Variants in SLIT3 observed in about 807,000 individuals in gnomAD.
SLIT3 encodes the protein slit homolog 3 protein.
SLIT3 carries 68 observed loss-of-function variants against 184.0 expected under a neutral mutation model. The ratio of observed to expected loss-of-function variants is 0.37; its 90% confidence interval spans 0.30 to 0.45. SLIT3 has a LOEUF of 0.45. SLIT3 is among the 20% of genes least tolerant of loss of function. SLIT3 has a pLI of 1.00. For synonymous variants in SLIT3, 831 were observed against 828.6 expected (o/e 1.00, Z -0.05); for missense variants, 1,707 against 2,026.0 (o/e 0.84, Z 3.02).
At chr5:169,204,091 C>A (rs77036400) in intron 3 of SLIT3, among the ~76,000 whole-genome samples, 1 of 151,724 alleles carries the variant, frequency 6.6e-6, no homozygotes, top group East Asian at 1.9e-4. Flanking sequence ...CTGGGCTACA[C>A]GAGCCAGAGA....
chr5:169,007,326 C>T (rs2113444151), intron 4 of SLIT3, among the ~76,000 whole-genome samples: 1 of 152,246 alleles, frequency 6.6e-6, no homozygotes, highest in South Asian at 2.1e-4. Flanking sequence ...TGTATACTGC[C>T]AAGTCTCAGT....
intron 4 of SLIT3, among the ~76,000 whole-genome samples, chr5:169,180,939 G>T (rs1763132430): frequency 2.6e-5 from 4 of 152,194 alleles, no homozygotes; most frequent in African/African-American, 9.6e-5. Context: ...GAAGGTCTCA[G>T]TTGGAAGCCT....
intron 20 of SLIT3, among the ~76,000 whole-genome samples, chr5:168,741,601 T>C (rs540887187): frequency 6.3e-4 from 95 of 151,786 alleles, no homozygotes; most frequent in African/African-American, 1.9e-3. Flanking sequence ...CAATTGCTGC[T>C]CTCAGGGAGC....
At chr5:169,082,159 G>C (rs1385132569) in intron 4 of SLIT3, among the ~76,000 whole-genome samples, 2 of 152,176 alleles carry the variant, frequency 1.3e-5, no homozygotes, top group African/African-American at 4.8e-5. Flanking sequence ...CCGTAGACAT[G>C]CCAGCAATAC....
At chr5:169,256,293 C>A (rs1704347418) in intron 1 of SLIT3, among the ~76,000 whole-genome samples, 1 of 152,144 alleles carries the variant, frequency 6.6e-6, no homozygotes, top group African/African-American at 2.4e-5. Context: ...CTTAAAAGAA[C>A]AACAACAAAA....
rs753041578 is a variant in SLIT3, at chr5:169,182,097, G to T, written c.413+11382C>A. Among the ~76,000 whole-genome samples the T allele has an allele frequency of 3.9e-5, 6 of 152,120 alleles. No individual in the cohort carries two copies. The East Asian group carries it at 7.7e-4, about 20-fold the overall frequency. The stretch of plus-strand genomic sequence containing the variant: ...AACCGTGGGGAGAGTTTTTGGCTAC[G>T]CAACAGGCAGTGCTAATCAAGGGGC... On this transcript the variant is annotated intron_variant, in intron 4 of 35. Transcript: ENST00000519560.
At chr5:169,228,934 C>G (rs1764899094) in intron 3 of SLIT3, among the ~76,000 whole-genome samples, 1 of 152,222 alleles carries the variant, frequency 6.6e-6, no homozygotes, top group Non-Finnish European at 1.5e-5. Context: ...GCAAAACACT[C>G]TAATAACTTA....
At chr5:168,965,227 T>G (rs1388638486) in intron 4 of SLIT3, among the ~76,000 whole-genome samples, 1 of 152,236 alleles carries the variant, frequency 6.6e-6, no homozygotes, top group African/African-American at 2.4e-5. Context: ...AAATATCTAT[T>G]GGAAGAAAAA....
intron 4 of SLIT3, among the ~76,000 whole-genome samples, chr5:169,028,453 T>G (rs1756910985): frequency 6.6e-6 from 1 of 152,208 alleles, no homozygotes; most frequent in African/African-American, 2.4e-5. Context: ...CACGGTTTTC[T>G]CATCTAGAAA....
intron 6 of SLIT3, 93 bp from the exon 7 acceptor site, chr5:168,823,424 C>T (rs1875977): frequency 0.59 from 508,019 of 867,344 alleles, 151,993 homozygotes; most frequent in African/African-American, 0.73. Flanking sequence ...TGGTTGTGAC[C>T]GCAAGACCAT....
At chr5:169,286,883 GA>G (rs1767166098) in intron 1 of SLIT3, among the ~76,000 whole-genome samples, 1 of 152,174 alleles carries the variant, frequency 6.6e-6, no homozygotes, top group Non-Finnish European at 1.5e-5. Flanking sequence ...CTTGGAAGAA[GA>G]TGTTTCTTGT....
At chr5:168,669,384 G>A (rs1193887092) in intron 35 of SLIT3, among the ~76,000 whole-genome samples, 18 of 152,208 alleles carry the variant, frequency 1.2e-4, no homozygotes, top group East Asian at 3.9e-4. Flanking sequence ...AACACCCAGC[G>A]CCATGGGAGT....
chr5:168,699,771 G>T (rs1367864335), intron 27 of SLIT3, among the ~76,000 whole-genome samples: 13 of 152,152 alleles, frequency 8.5e-5, no homozygotes, highest in Admixed American at 8.5e-4. Context: ...ACTGGATAGG[G>T]TCTGTAGGGA....
intron 6 of SLIT3, among the ~76,000 whole-genome samples, chr5:168,828,449 A>G (rs1757771574): frequency 6.6e-6 from 1 of 152,052 alleles, no homozygotes; most frequent in Admixed American, 6.6e-5. Flanking sequence ...TGGGCAACAT[A>G]GGGAGAACCT....
At chr5:169,218,323 C>A (rs1393446418) in intron 3 of SLIT3, among the ~76,000 whole-genome samples, 3 of 152,188 alleles carry the variant, frequency 2.0e-5, no homozygotes, top group African/African-American at 7.2e-5. Flanking sequence ...ACACCTTAGA[C>A]CCAGCAAAAC....
chr5:168,793,218 T>C (rs1000149079), intron 10 of SLIT3, among the ~76,000 whole-genome samples: 2 of 151,516 alleles, frequency 1.3e-5, no homozygotes, highest in African/African-American at 4.9e-5. Flanking sequence ...TCAGAGAGAA[T>C]TCTTTTTTTT....
At chr5:169,156,917 G>A (rs551775068) in intron 4 of SLIT3, among the ~76,000 whole-genome samples, 2 of 152,306 alleles carry the variant, frequency 1.3e-5, no homozygotes, top group East Asian at 3.9e-4. Context: ...ACAGATGGTG[G>A]TGAGTTCTCT....
chr5:169,236,736 C>T (rs1454264642), intron 3 of SLIT3, among the ~76,000 whole-genome samples: 1 of 152,126 alleles, frequency 6.6e-6, no homozygotes, highest in Non-Finnish European at 1.5e-5. Flanking sequence ...TCCAAAAGTG[C>T]TGGGATAACA....
At chr5:168,735,413 C>T (rs886683552) in intron 20 of SLIT3, among the ~76,000 whole-genome samples, 2 of 152,112 alleles carry the variant, frequency 1.3e-5, no homozygotes, top group African/African-American at 4.8e-5. Context: ...GGGGGCAGCT[C>T]AGGGGTCAGG....
Sources: gnomAD v4.1 joint callset for allele counts (sites outside exome capture counted in the v4.1 genomes callset) on GRCh38, gnomAD v4.1.1 for gene constraint, MANE v1.5 for transcripts, NCBI Gene and HGNC (gene_info 2026-07-23, HGNC 2026-07-21) for gene names.